Variants in DCLK3 observed in about 807,000 individuals in gnomAD.
DCLK3 encodes the protein doublecortin like kinase 3.
A neutral mutation model predicts 46.4 loss-of-function variants in DCLK3; 30 were observed. That is an observed-to-expected ratio of 0.65 (90% CI 0.48 to 0.88). The LOEUF is 0.88. Among genes scored for constraint, DCLK3 ranks in the 40% least tolerant of loss-of-function variants. DCLK3 has a pLI of 0.00. For synonymous variants in DCLK3, 401 were observed against 339.2 expected (o/e 1.18, Z -2.00); for missense variants, 846 against 907.1 (o/e 0.93, Z 0.87).
intron 1 of DCLK3, chr3:36,739,692 G>C (rs1310936851): frequency 6.6e-6 from 1 of 152,302 alleles, no homozygotes; most frequent in Non-Finnish European, 1.5e-5. Flanking sequence ...CCCAGTCTCA[G>C]GTATGTCTCT....
chr3:36,718,218 A>G (rs1701010277), intron 3 of DCLK3, 41 bp from the exon 4 acceptor site: 1 of 1,611,664 alleles, frequency 6.2e-7, no homozygotes, highest in Admixed American at 1.7e-5. Flanking sequence ...ACCTGAGACC[A>G]GGCAGGGTCA....
At chr3:36,730,187 C>CAT (rs74390944) in intron 2 of DCLK3, among the ~76,000 whole-genome samples, 55 of 121,346 alleles carry the variant, frequency 4.5e-4, no homozygotes, top group African/African-American at 1.7e-3. Context: ...GTACATACAC[C>CAT]ATATATACAC....
chr3:36,733,375 A>G (rs1701222357), intron 2 of DCLK3, among the ~76,000 whole-genome samples: 1 of 152,192 alleles, frequency 6.6e-6, no homozygotes, highest in African/African-American at 2.4e-5. Context: ...TCTGGAAGAA[A>G]TGTTCTCAAA....
chr3:36,756,135 G>C (rs1019853867), intron 1 of DCLK3, among the ~76,000 whole-genome samples: 3 of 152,224 alleles, frequency 2.0e-5, no homozygotes, highest in African/African-American at 7.2e-5. Context: ...GAGTGGAAAA[G>C]TGAAGTAGGA....
chr3:36,722,238 T>G (rs555664034), intron 2 of DCLK3, among the ~76,000 whole-genome samples: 56 of 152,300 alleles, frequency 3.7e-4, no homozygotes, highest in African/African-American at 1.3e-3. Flanking sequence ...GGACGGTTAA[T>G]TGGTACAAAA....
At chr3:36,729,248 T>TGTGG (rs1553611163) in intron 2 of DCLK3, among the ~76,000 whole-genome samples, 1 of 92,682 alleles carries the variant, frequency 1.1e-5, no homozygotes, top group East Asian at 3.4e-4. Context: ...TGTGTGTGTG[T>TGTGG]GGGGGGGGGG....
At chr3:36,749,073 C>T (rs1332896806) in intron 1 of DCLK3, among the ~76,000 whole-genome samples, 2 of 152,226 alleles carry the variant, frequency 1.3e-5, no homozygotes, top group Non-Finnish European at 2.9e-5. Context: ...CCTGGGGCTT[C>T]ATCGCTCACT....
chr3:36,760,100 C>G (rs1332078740), intron 1 of DCLK3, among the ~76,000 whole-genome samples: 1 of 152,166 alleles, frequency 6.6e-6, no homozygotes, highest in Non-Finnish European at 1.5e-5. Flanking sequence ...TGGGTTTGAT[C>G]CATTATCTAC....
At chr3:36,720,946 C>T (rs1019619498) in intron 3 of DCLK3, among the ~76,000 whole-genome samples, 1 of 152,194 alleles carries the variant, frequency 6.6e-6, no homozygotes, top group African/African-American at 2.4e-5. Context: ...TCCTGGAGTG[C>T]CACAGTAGTC....
Position 36,737,727 on chromosome 3 carries a change from C to A in DCLK3, c.1440G>T (p.Met480Ile), listed in dbSNP as rs1366270182. The A allele has an allele frequency of 8.1e-6, 13 of 1,614,166 alleles. No homozygotes were observed. Among genetic ancestry groups the A allele is most frequent in the Non-Finnish European group, 1.1e-5 (13 of 1,180,020 alleles). ...KKPCMSGGRR[M>I]TLRDDQPAKL... ...TTGCAGGTTGGTCATCTCTGAGAGT[C>A]ATCCTTCTGCCTCCAGACATACATG... The change falls in exon 2 of 5, where the codon ATG becomes ATT. Residue 480 changes from methionine to isoleucine, a missense_variant. Transcript: ENST00000636136. The surrounding 1 kb of genome is among the most constrained non-coding windows in gnomAD (Gnocchi z 4.4).
rs962663009 is a variant in DCLK3 at position 36,712,913 on chromosome 3, T to C, written c.*2415A>G. 8 of 152,224 alleles carry C rather than the reference T, an allele frequency of 5.3e-5. No homozygotes were observed. Among genetic ancestry groups the C allele is most frequent in the African/African-American group, 1.4e-4 (6 of 41,450 alleles). 9.4% of individuals were successfully genotyped at this position (152,224 alleles called of 1,614,324 possible). A position where few individuals can be genotyped will look rare whatever the true frequency, so the allele number is the denominator to read the frequency against. The stretch of plus-strand genomic sequence containing the variant: ...ACCTATAAATATTGTGAAGTCTTCA[T>C]AGGACATATGCTTGAATTTCTGCTG... On this transcript the variant is annotated 3_prime_UTR_variant, in exon 5 of 5. Transcript: ENST00000636136.
In DCLK3 at chr3:36,764,341, G is replaced by C. The variant is rs1701566746; in HGVS notation, c.-78C>G. Reference sequence around the variant, plus strand: ...CGCGGCTCGACGGTCGAGCAGGCGCGGGAAGGCGGGGCGAGACGAGCAGCC... The same window carrying C: ...CGCGGCTCGACGGTCGAGCAGGCGCCGGAAGGCGGGGCGAGACGAGCAGCC... On this transcript the variant is annotated 5_prime_UTR_variant, in exon 1 of 5. Transcript: ENST00000636136. The surrounding 1 kb of genome is among the most constrained non-coding windows in gnomAD (Gnocchi z 4.9). 1.4e-5 allele frequency: 3 copies of C among 207,448 alleles called. No homozygotes were observed. The highest frequency in any genetic ancestry group is 2.9e-5 in the Non-Finnish European group (3 of 104,686). The allele number at this position is 207,448 out of a possible 1,614,324, so 12.9% of individuals were successfully genotyped here. A position where few individuals can be genotyped will look rare whatever the true frequency, so the allele number is the denominator to read the frequency against.
chr3:36,737,933 T>C lies in DCLK3; in HGVS notation c.1234A>G (p.Lys412Glu). Reference sequence around the variant, plus strand: ...GGAAGAACTTCCACAAGGTCCTTCTTGGCCTTGGCTGCTCCCTGAGCATGG... The same window carrying C: ...GGAAGAACTTCCACAAGGTCCTTCTCGGCCTTGGCTGCTCCCTGAGCATGG... ...ESHAQGAAKAKKDLVEVLPVT... is the reference protein window; with the variant it reads ...ESHAQGAAKAEKDLVEVLPVT... The change falls in exon 2 of 5, where the codon AAG (lysine) becomes GAG (glutamate). Residue 412 changes from lysine to glutamate, a missense_variant. Around this residue, in one of 3 missense-constraint regions of DCLK3, gnomAD observed 553 missense variants for 543.0 expected, o/e 1.02. Transcript: ENST00000636136. This position sits in a 1 kb window ranked among gnomAD's most constrained non-coding sequence, Gnocchi z 4.4. The C allele has an allele frequency of 6.2e-7, 1 of 1,614,166 alleles. No individual in the cohort carries two copies. The highest frequency in any genetic ancestry group is 8.5e-7 in the Non-Finnish European group (1 of 1,180,022).
rs1700960674 is a variant in DCLK3, at chr3:36,715,285, C to T, written c.*43G>A. Reference sequence around the variant, plus strand: ...CTCAAACTTCTATCCTTTTCTCTGTCCTTGAGCAGAACTGGGGGCTGGACA... The same window carrying T: ...CTCAAACTTCTATCCTTTTCTCTGTTCTTGAGCAGAACTGGGGGCTGGACA... On this transcript the variant is annotated 3_prime_UTR_variant, in exon 5 of 5. Coordinates refer to ENST00000636136, the MANE Select transcript of DCLK3 (RefSeq NM_001394672.2). 6 of 1,604,814 alleles carry T rather than the reference C, an allele frequency of 3.7e-6. No homozygotes were observed. Among genetic ancestry groups the T allele is most frequent in the East Asian group, 4.5e-5 (2 of 44,538 alleles).
intron 1 of DCLK3, among the ~76,000 whole-genome samples, chr3:36,752,198 G>A (rs903086140): frequency 1.1e-4 from 17 of 152,198 alleles, no homozygotes; most frequent in African/African-American, 4.1e-4. Context: ...AATGACTGAT[G>A]GACAGGGGTG....
intron 1 of DCLK3, among the ~76,000 whole-genome samples, chr3:36,748,528 G>A (rs1701412269): frequency 1.3e-5 from 2 of 152,162 alleles, no homozygotes; most frequent in South Asian, 4.1e-4. Flanking sequence ...GCAACAGCAG[G>A]AGGGCCGCAG....
intron 1 of DCLK3, among the ~76,000 whole-genome samples, chr3:36,747,956 T>C (rs1279390850): frequency 6.6e-6 from 1 of 152,208 alleles, no homozygotes. Context: ...AGAATATCTC[T>C]TGCTTTGCCA....
At chr3:36,717,955 C>G (rs922399826) in intron 4 of DCLK3, 55 bp downstream of exon 4, 1 of 1,607,726 alleles carries the variant, frequency 6.2e-7, no homozygotes, top group Admixed American at 1.7e-5. Flanking sequence ...CTCTACACAT[C>G]TGACCTGAAA....
At chr3:36,718,291 C>A in intron 3 of DCLK3, 114 bp from the exon 4 acceptor site, 1 of 1,444,270 alleles carries the variant, frequency 6.9e-7, no homozygotes, top group South Asian at 1.3e-5. Flanking sequence ...TAGAGGATCC[C>A]AGCTCTCAGC....
Sources: allele counts gnomAD v4.1 joint callset (sites outside exome capture counted in the v4.1 genomes callset), GRCh38; gene constraint gnomAD v4.1.1; regional missense constraint gnomAD v4.1.1; non-coding constraint Gnocchi (gnomAD v3.1); transcripts MANE v1.5; gene names NCBI Gene and HGNC (gene_info 2026-07-23, HGNC 2026-07-21).